Variants in MACROD2 observed in about 807,000 individuals in gnomAD.
The protein encoded by MACROD2 is mono-ADP ribosylhydrolase 2.
Under a neutral mutation model 70.4 loss-of-function variants are expected in MACROD2, and 36 were observed. That is an observed-to-expected ratio of 0.51 (90% CI 0.39 to 0.68). MACROD2 has a LOEUF of 0.68. Ranked by LOEUF, MACROD2 falls within the 30% of genes least tolerant of loss-of-function variation. MACROD2 has a pLI of 0.00. For missense variants in MACROD2, 496 were observed against 538.4 expected, an observed-to-expected ratio of 0.92 and a Z score of 0.78; for synonymous variants, 172 against 178.8, an observed-to-expected ratio of 0.96 and a Z score of 0.30.
intron 3 of MACROD2, among the ~76,000 whole-genome samples, chr20:14,122,824 GGTT>G (rs2054603004): frequency 6.6e-6 from 1 of 152,028 alleles, no homozygotes. Context: ...AGACTCCTGA[GGTT>G]GTTAGATGCA....
At chr20:14,798,414 A>G (rs1401899896) in intron 5 of MACROD2, among the ~76,000 whole-genome samples, 6 of 152,038 alleles carry the variant, frequency 3.9e-5, no homozygotes, top group Admixed American at 2.6e-4. Context: ...TGGGAAGATC[A>G]TTGCTTTTCT....
At chr20:14,025,731 T>C (rs1488645839) in intron 2 of MACROD2, among the ~76,000 whole-genome samples, 1 of 152,232 alleles carries the variant, frequency 6.6e-6, no homozygotes, top group Non-Finnish European at 1.5e-5. Context: ...ATTTCCATTC[T>C]TTTGCATTTG....
intron 5 of MACROD2, among the ~76,000 whole-genome samples, chr20:14,843,101 C>T (rs1173614947): frequency 6.6e-6 from 1 of 151,174 alleles, no homozygotes; most frequent in African/African-American, 2.4e-5. Context: ...ATCCCCAACT[C>T]TTATTCCCTG....
intron 5 of MACROD2, among the ~76,000 whole-genome samples, chr20:15,182,494 C>G (rs1320002520): frequency 6.6e-6 from 1 of 152,136 alleles, no homozygotes; most frequent in Non-Finnish European, 1.5e-5. Flanking sequence ...GCGGAAGACC[C>G]TGAATCCAGG....
intron 6 of MACROD2, among the ~76,000 whole-genome samples, chr20:15,362,114 C>G (rs546863536): frequency 6.6e-6 from 1 of 151,474 alleles, no homozygotes. Context: ...CGGGTTCAAG[C>G]GATTCTTATG....
chr20:14,547,781 C>T (rs1297880023), intron 4 of MACROD2, among the ~76,000 whole-genome samples: 2 of 152,176 alleles, frequency 1.3e-5, no homozygotes, highest in Non-Finnish European at 2.9e-5. Flanking sequence ...CGATTGTGTA[C>T]CTGAGGTCAC....
chr20:14,796,844 G>T (rs1190571781), intron 5 of MACROD2, among the ~76,000 whole-genome samples: 2 of 152,070 alleles, frequency 1.3e-5, no homozygotes, highest in African/African-American at 4.8e-5. Context: ...GGGCATTCTA[G>T]TGTTGCTTTC....
At chr20:15,958,299 C>A (rs1264923905) in intron 12 of MACROD2, among the ~76,000 whole-genome samples, 4 of 152,162 alleles carry the variant, frequency 2.6e-5, no homozygotes, top group Non-Finnish European at 5.9e-5. Flanking sequence ...CACCTCCCTG[C>A]CATCCTAGGA....
intron 3 of MACROD2, among the ~76,000 whole-genome samples, chr20:14,112,533 T>A (rs1874988472): frequency 6.6e-6 from 1 of 151,966 alleles, no homozygotes; most frequent in Admixed American, 6.6e-5. Flanking sequence ...TTGAAACATT[T>A]TTGATGTATA....
intron 8 of MACROD2, among the ~76,000 whole-genome samples, chr20:15,861,904 TC>T (rs1409123751): frequency 1.3e-5 from 2 of 152,190 alleles, no homozygotes; most frequent in Non-Finnish European, 2.9e-5. Flanking sequence ...TGAGTGCTTT[TC>T]AATTTTTTTA....
intron 10 of MACROD2, among the ~76,000 whole-genome samples, chr20:15,905,166 C>T (rs751278472): frequency 2.0e-5 from 3 of 152,088 alleles, no homozygotes; most frequent in Admixed American, 6.5e-5. Context: ...ATCCTTAATT[C>T]AAAGCACAGA....
intron 6 of MACROD2, among the ~76,000 whole-genome samples, chr20:15,236,710 A>G (rs1034335327): frequency 2.0e-5 from 3 of 152,228 alleles, no homozygotes; most frequent in African/African-American, 7.2e-5. Context: ...CTAGCTAAGC[A>G]TTATGTTGAC....
At chr20:14,509,724 C>A (rs1200638168) in intron 4 of MACROD2, among the ~76,000 whole-genome samples, 1 of 151,840 alleles carries the variant, frequency 6.6e-6, no homozygotes, top group Admixed American at 6.6e-5. Flanking sequence ...TCAGAATAAT[C>A]TCTGGCACAT....
At chr20:14,337,657 G>T in intron 3 of MACROD2, 1 of 398,064 alleles carries the variant, frequency 2.5e-6, no homozygotes, top group South Asian at 1.3e-4. Flanking sequence ...ACCTCGCAGT[G>T]GCTGAAGAAG....
chr20:14,345,150 A>G (rs1424010897), intron 3 of MACROD2, among the ~76,000 whole-genome samples: 1 of 152,208 alleles, frequency 6.6e-6, no homozygotes, highest in Non-Finnish European at 1.5e-5. Context: ...TAGGATTTAC[A>G]TATTTTTAAA....
chr20:14,460,215 A>T, intron 3 of MACROD2, among the ~76,000 whole-genome samples: 1 of 152,088 alleles, frequency 6.6e-6, no homozygotes, highest in East Asian at 1.9e-4. Context: ...TAGTAGAATG[A>T]TTTATAATCC....
intron 3 of MACROD2, among the ~76,000 whole-genome samples, chr20:14,188,717 A>G (rs2081363207): frequency 6.6e-6 from 1 of 152,154 alleles, no homozygotes; most frequent in Admixed American, 6.5e-5. Context: ...TTTTTAACAA[A>G]TAAGGCAGTG....
Position 15,727,575 on chromosome 20 carries a change from G to T in MACROD2, c.646-135170G>T, listed in dbSNP as rs564098520. Reference sequence around the variant, plus strand: ...TTGCTTCTTCCTATCCATGAGCATGGAATGTTTTTCCATTTGTTTGTGTTG... The same window carrying T: ...TTGCTTCTTCCTATCCATGAGCATGTAATGTTTTTCCATTTGTTTGTGTTG... On this transcript the variant is annotated intron_variant, in intron 8 of 17. Transcript: ENST00000684519. Among the ~76,000 whole-genome samples, 195 of 152,212 alleles carry T rather than the reference G, an allele frequency of 1.3e-3. 1 individual carries two copies. The highest frequency in any genetic ancestry group is 4.5e-3 in the African/African-American group (186 of 41,568).
chr20:14,483,469 C>T (rs966557480), intron 3 of MACROD2, among the ~76,000 whole-genome samples: 6 of 151,814 alleles, frequency 4.0e-5, no homozygotes, highest in South Asian at 2.1e-4. Flanking sequence ...TGCAATGGGG[C>T]GATCTTGGCT....
Sources: allele counts gnomAD v4.1 joint callset (sites outside exome capture counted in the v4.1 genomes callset), GRCh38; gene constraint gnomAD v4.1.1; transcripts MANE v1.5; gene names NCBI Gene and HGNC (gene_info 2026-07-23, HGNC 2026-07-21).